Variants in ATP6V1C2 observed in about 807,000 individuals in gnomAD.
ATP6V1C2 encodes the protein ATPase H+ transporting V1 subunit C2.
ATP6V1C2 carries 45 observed loss-of-function variants against 56.8 expected under a neutral mutation model. That is an observed-to-expected ratio of 0.79 (90% CI 0.62 to 1.02). The LOEUF (loss-of-function observed/expected upper bound fraction) is 1.02. Among genes scored for constraint, ATP6V1C2 ranks in the 50% least tolerant of loss-of-function variants. The pLI is 0.00. For synonymous variants in ATP6V1C2, 220 were observed against 201.3 expected, an observed-to-expected ratio of 1.09 and a Z score of -0.79; for missense variants, 463 against 519.7, an observed-to-expected ratio of 0.89 and a Z score of 1.06.
At chr2:10,731,996 A>G (rs888104307) in intron 3 of ATP6V1C2, among the ~76,000 whole-genome samples, 1 of 152,094 alleles carries the variant, frequency 6.6e-6, no homozygotes, top group African/African-American at 2.4e-5. Flanking sequence ...TAAAAGAAAA[A>G]AAAAAAGTGT....
At chr2:10,744,506 T>A (rs1399236652) in intron 3 of ATP6V1C2, among the ~76,000 whole-genome samples, 1 of 152,146 alleles carries the variant, frequency 6.6e-6, no homozygotes, top group Non-Finnish European at 1.5e-5. Context: ...TGACCAGGCC[T>A]CCTCACCTTT....
intron 2 of ATP6V1C2, among the ~76,000 whole-genome samples, chr2:10,725,872 G>T (rs1397944671): frequency 2.0e-5 from 3 of 151,632 alleles, no homozygotes; most frequent in Non-Finnish European, 4.4e-5. Context: ...CTGAAGTCGG[G>T]AGTTCGAGAC....
intron 12 of ATP6V1C2, among the ~76,000 whole-genome samples, chr2:10,781,430 A>G (rs1665345369): frequency 6.6e-6 from 1 of 152,090 alleles, no homozygotes; most frequent in African/African-American, 2.4e-5. Context: ...GTGAGCCGAG[A>G]TCGCACCATT....
chr2:10,749,382 A>T (rs2148450836), intron 3 of ATP6V1C2, among the ~76,000 whole-genome samples: 1 of 152,294 alleles, frequency 6.6e-6, no homozygotes, highest in Non-Finnish European at 1.5e-5. Flanking sequence ...CCGGCAAAAT[A>T]TATGAACATG....
At chr2:10,778,160 G>A (rs1665119721) in intron 11 of ATP6V1C2, among the ~76,000 whole-genome samples, 2 of 152,350 alleles carry the variant, frequency 1.3e-5, no homozygotes, top group Non-Finnish European at 1.5e-5. Context: ...GGCTGCTGCT[G>A]TGGCCACGTG....
At position 10,740,725 on chromosome 2, in the gene ATP6V1C2, C is replaced by T. The variant is rs188208552; in HGVS notation, c.198-13256C>T. ...TTTTGAGACCAAATCTCACTCTTGT[C>T]GCCCAGGCTGGAGTGCAGTGGCGCT... On this transcript the variant is annotated intron_variant, in intron 3 of 13. Transcript: ENST00000272238. Among the ~76,000 whole-genome samples the T allele has an allele frequency of 2.2e-3, 340 of 152,278 alleles. 3 individuals are homozygous for T. Among genetic ancestry groups the T allele is most frequent in the South Asian group, 0.018 (85 of 4,828 alleles).
intron 4 of ATP6V1C2, among the ~76,000 whole-genome samples, chr2:10,761,236 T>C (rs776040467): frequency 6.6e-6 from 1 of 151,980 alleles, no homozygotes; most frequent in Non-Finnish European, 1.5e-5. Flanking sequence ...AGGGAAGAGA[T>C]GGATGGGACA....
At chr2:10,726,354 AT>A (rs1661640756) in intron 2 of ATP6V1C2, 147 bp from the exon 3 acceptor site, 1 of 673,942 alleles carries the variant, frequency 1.5e-6, no homozygotes, top group African/African-American at 1.8e-5. Context: ...ACTGGTTTCC[AT>A]TAAGAGTTTT....
intron 10 of ATP6V1C2, among the ~76,000 whole-genome samples, chr2:10,775,955 A>AG (rs1273271860): frequency 6.6e-6 from 1 of 152,148 alleles, no homozygotes; most frequent in Non-Finnish European, 1.5e-5. Context: ...CAGCACTGTG[A>AG]GGACTCCCAT....
rs1409015710 is a variant in ATP6V1C2 at position 10,784,636 on chromosome 2, A to C, written c.*1373A>C. 3 of 500,842 alleles carry C rather than the reference A, an allele frequency of 6.0e-6. No homozygotes were observed. The highest frequency in any genetic ancestry group is 7.0e-6 in the Non-Finnish European group (2 of 286,022). 31.0% of individuals were successfully genotyped at this position (500,842 alleles called of 1,614,324 possible). A position where few individuals can be genotyped will look rare whatever the true frequency, so the allele number is the denominator to read the frequency against. On this transcript the variant is annotated 3_prime_UTR_variant, in exon 14 of 14. Transcript: ENST00000272238. ...GCTAATTTCAAAGCTATCATTTTCT[A>C]TTTTTCTAAGATAAAGTAAATGAAT...
intron 4 of ATP6V1C2, among the ~76,000 whole-genome samples, chr2:10,761,088 G>T (rs1663878990): frequency 6.6e-6 from 1 of 152,230 alleles, no homozygotes; most frequent in Non-Finnish European, 1.5e-5. Context: ...GCCAGCAGGG[G>T]CAGGGACAGT....
intron 2 of ATP6V1C2, among the ~76,000 whole-genome samples, chr2:10,724,339 A>G (rs1217110267): frequency 6.6e-6 from 1 of 152,188 alleles, no homozygotes; most frequent in African/African-American, 2.4e-5. Flanking sequence ...GCTGACGGCT[A>G]GATACTTGAA....
At chr2:10,760,224 G>T (rs965916022) in intron 4 of ATP6V1C2, among the ~76,000 whole-genome samples, 2 of 152,110 alleles carry the variant, frequency 1.3e-5, no homozygotes, top group Non-Finnish European at 2.9e-5. Flanking sequence ...ACAAAAAATG[G>T]CTGGGTGTGA....
At chr2:10,758,465 G>A (rs1663682638) in intron 4 of ATP6V1C2, among the ~76,000 whole-genome samples, 1 of 152,080 alleles carries the variant, frequency 6.6e-6, no homozygotes, top group Non-Finnish European at 1.5e-5. Context: ...ACATTCTGAA[G>A]CCTGGAGGCT....
At chr2:10,760,809 C>T (rs892880400) in intron 4 of ATP6V1C2, among the ~76,000 whole-genome samples, 5 of 152,200 alleles carry the variant, frequency 3.3e-5, no homozygotes, top group African/African-American at 1.2e-4. Flanking sequence ...GACCTCAGCC[C>T]TTTGGTCTGA....
intron 3 of ATP6V1C2, among the ~76,000 whole-genome samples, chr2:10,736,782 T>C: frequency 6.7e-6 from 1 of 148,716 alleles, no homozygotes. Context: ...TTTTCATTAT[T>C]TTTTTCCTAG....
At chr2:10,774,037 CAG>C (rs1216718975) in intron 8 of ATP6V1C2, among the ~76,000 whole-genome samples, 1 of 152,252 alleles carries the variant, frequency 6.6e-6, no homozygotes, top group Non-Finnish European at 1.5e-5. Flanking sequence ...GGATCCTTGA[CAG>C]GGCCGGCTGC....
At position 10,783,929 on chromosome 2, in the gene ATP6V1C2, A is replaced by T. The variant is rs1227548154; in HGVS notation, c.*666A>T. 1.5e-5 allele frequency: 3 copies of T among 194,928 alleles called. No homozygotes were observed. The highest frequency in any genetic ancestry group is 2.3e-5 in the African/African-American group (1 of 42,976). The allele number at this position is 194,928 out of a possible 1,614,324, so 12.1% of individuals were successfully genotyped here. On this transcript the variant is annotated 3_prime_UTR_variant, in exon 14 of 14. Coordinates refer to ENST00000272238, the MANE Select transcript of ATP6V1C2 (RefSeq NM_001039362.2). ...AATATTCAAATGAAGGGATCACATT[A>T]AAAAAAACCCATACATAAGAAACAG...
chr2:10,744,669 C>CTTT lies in ATP6V1C2; in HGVS notation c.198-9296_198-9294dup, dbSNP rs772851204. ...TTGATGGGTTTTTTTTTCTCTTTTT[C>CTTT]TTTTTTTTTTTTTTTTTTGAGACAG... On this transcript the variant is annotated intron_variant, in intron 3 of 13. Coordinates refer to ENST00000272238, the MANE Select transcript of ATP6V1C2 (RefSeq NM_001039362.2). 4.4e-3 allele frequency among the ~76,000 whole-genome samples: 554 copies of CTTT among 125,532 alleles called. 13 individuals carry two copies. Among genetic ancestry groups the CTTT allele is most frequent in the Admixed American group, 9.1e-3 (104 of 11,386 alleles). The allele number at this position is 125,532 out of a possible 152,430, so 82.4% of individuals were successfully genotyped here.
Sources: allele counts gnomAD v4.1 joint callset (sites outside exome capture counted in the v4.1 genomes callset), GRCh38; gene constraint gnomAD v4.1.1; transcripts MANE v1.5; gene names NCBI Gene and HGNC (gene_info 2026-07-23, HGNC 2026-07-21).